The following PALM2AKAP2 variants were observed in gnomAD, a reference collection of about 807,000 sequenced individuals.
The protein encoded by PALM2AKAP2 is PALM2 and AKAP2 fusion, also known as PALM2-AKAP2 fusion protein.
PALM2AKAP2 carries 37 observed loss-of-function variants against 71.5 expected under a neutral mutation model. The observed-to-expected ratio is 0.52, with a 90% CI of 0.40 to 0.68. The LOEUF (loss-of-function observed/expected upper bound fraction) is 0.68. PALM2AKAP2 is among the 30% of genes least tolerant of loss of function. PALM2AKAP2 has a pLI of 0.00. For synonymous variants in PALM2AKAP2, 468 were observed against 478.8 expected, an observed-to-expected ratio of 0.98 and a Z score of 0.29; for missense variants, 1,224 against 1,191.8, an observed-to-expected ratio of 1.03 and a Z score of -0.40.
At position 109,729,718 on chromosome 9, in the gene PALM2AKAP2, A is replaced by G. The variant is rs191552560; in HGVS notation, c.6-50770A>G. Among the ~76,000 whole-genome samples, 8 of 152,298 alleles carry G rather than the reference A, an allele frequency of 5.3e-5. No homozygotes were observed. In the East Asian group the frequency reaches 1.5e-3, roughly 29 times the overall value. ...CAAGGTGCATATTCTCCCAGAATGCAGGATGGTTCCTAGGCTAGGGTTTGG... is the reference window on the plus strand; with the variant it reads ...CAAGGTGCATATTCTCCCAGAATGCGGGATGGTTCCTAGGCTAGGGTTTGG... On this transcript the variant is annotated intron_variant, in intron 1 of 6. Coordinates refer to the PALM2AKAP2 transcript ENST00000374531.
intron 1 of PALM2AKAP2, among the ~76,000 whole-genome samples, chr9:110,111,128 G>A (rs1188736212): frequency 1.7e-4 from 17 of 102,544 alleles, no homozygotes; most frequent in African/African-American, 5.9e-4. Flanking sequence ...GTCTTGCTCT[G>A]TCACCCAGGC....
chr9:109,724,100 C>T (rs2118641094), intron 1 of PALM2AKAP2, among the ~76,000 whole-genome samples: 2 of 152,204 alleles, frequency 1.3e-5, no homozygotes, highest in South Asian at 4.1e-4. Context: ...AACACACAGA[C>T]ATCATCTCTT....
intron 1 of PALM2AKAP2, among the ~76,000 whole-genome samples, chr9:109,796,062 T>G (rs1827244582): frequency 6.6e-6 from 1 of 152,228 alleles, no homozygotes; most frequent in African/African-American, 2.4e-5. Flanking sequence ...CACAACACAT[T>G]TTGCATAGTG....
intron 1 of PALM2AKAP2, among the ~76,000 whole-genome samples, chr9:110,109,946 G>A (rs1835208413): frequency 6.6e-6 from 1 of 152,316 alleles, no homozygotes; most frequent in South Asian, 2.1e-4. Context: ...CTGGAGGGGA[G>A]GGGGATTGGG....
intron 1 of PALM2AKAP2, among the ~76,000 whole-genome samples, chr9:109,834,148 T>C (rs918888391): frequency 7.9e-5 from 12 of 152,138 alleles, no homozygotes; most frequent in Admixed American, 6.5e-4. Flanking sequence ...GGGAGGTGGA[T>C]GTTGCAGTGA....
chr9:109,666,450 G>A (rs1257109580), intron 1 of PALM2AKAP2, among the ~76,000 whole-genome samples: 1 of 152,192 alleles, frequency 6.6e-6, no homozygotes, highest in African/African-American at 2.4e-5. Flanking sequence ...GGTATAGGAA[G>A]GGTATAGGCC....
intron 2 of PALM2AKAP2, among the ~76,000 whole-genome samples, chr9:109,878,995 C>G (rs1829780685): frequency 6.6e-6 from 1 of 152,210 alleles, no homozygotes; most frequent in East Asian, 1.9e-4. Flanking sequence ...CCTTGGCCTC[C>G]CAAAGTGTTG....
intron 1 of PALM2AKAP2, among the ~76,000 whole-genome samples, chr9:109,857,778 T>G (rs1829207117): frequency 6.6e-6 from 1 of 152,194 alleles, no homozygotes; most frequent in African/African-American, 2.4e-5. Flanking sequence ...AATGGAAGAT[T>G]TTAAAGTATC....
intron 1 of PALM2AKAP2, among the ~76,000 whole-genome samples, chr9:109,833,886 C>A (rs1043861915): frequency 1.3e-5 from 2 of 152,288 alleles, no homozygotes; most frequent in African/African-American, 4.8e-5. Context: ...CCTTAAGGGA[C>A]CAGTTCCCTC....
chr9:110,039,074 G>A (rs1833468826), intron 7 of PALM2AKAP2, among the ~76,000 whole-genome samples: 1 of 151,966 alleles, frequency 6.6e-6, no homozygotes, highest in Admixed American at 6.6e-5. Flanking sequence ...CATGGGGAAA[G>A]CTTGTCTCTA....
At chr9:109,991,420 T>G (rs1832479486) in intron 6 of PALM2AKAP2, among the ~76,000 whole-genome samples, 1 of 151,804 alleles carries the variant, frequency 6.6e-6, no homozygotes, top group Non-Finnish European at 1.5e-5. Flanking sequence ...TTTTTTTTTT[T>G]CAGAGATGGG....
intron 6 of PALM2AKAP2, among the ~76,000 whole-genome samples, chr9:109,976,950 C>G (rs189926247): frequency 1.3e-5 from 2 of 152,158 alleles, no homozygotes; most frequent in Non-Finnish European, 1.5e-5. Context: ...AACTTGGTGC[C>G]AGAGCTTCAG....
At chr9:109,790,275 C>G (rs1827079796) in intron 1 of PALM2AKAP2, among the ~76,000 whole-genome samples, 1 of 151,998 alleles carries the variant, frequency 6.6e-6, no homozygotes, top group African/African-American at 2.4e-5. Context: ...GTAAAACCTA[C>G]TCTTACTTTT....
intron 1 of PALM2AKAP2, among the ~76,000 whole-genome samples, chr9:109,681,204 A>C (rs898510922): frequency 6.6e-6 from 1 of 152,184 alleles, no homozygotes; most frequent in Non-Finnish European, 1.5e-5. Flanking sequence ...CCACTGGTCT[A>C]TGAGCTCATT....
At chr9:110,003,413 A>G (rs878917792) in intron 6 of PALM2AKAP2, among the ~76,000 whole-genome samples, 11 of 151,994 alleles carry the variant, frequency 7.2e-5, no homozygotes, top group African/African-American at 1.2e-4. Context: ...TATAATTTCT[A>G]TTCTTTTACA....
intron 1 of PALM2AKAP2, among the ~76,000 whole-genome samples, chr9:109,782,740 TTGTTTGTGTGTGTG>T (rs1354717290): frequency 0.013 from 1,629 of 126,058 alleles, 37 homozygotes; most frequent in African/African-American, 0.052. Context: ...CAGCGTGTGT[TTGTTTGTGTGTGTG>T]TGTGTGTGTG....
At chr9:110,029,482 C>A (rs1213626841) in intron 7 of PALM2AKAP2, among the ~76,000 whole-genome samples, 1 of 152,180 alleles carries the variant, frequency 6.6e-6, no homozygotes, top group African/African-American at 2.4e-5. Flanking sequence ...ACAAATGCTT[C>A]CTGAGGACAT....
chr9:110,091,272 G>A (rs982958313), intron 1 of PALM2AKAP2, among the ~76,000 whole-genome samples: 3 of 151,994 alleles, frequency 2.0e-5, no homozygotes, highest in African/African-American at 7.3e-5. Context: ...ATTGTCTACG[G>A]TCAATAAAGA....
chr9:109,709,569 C>A (rs567997164), intron 1 of PALM2AKAP2, among the ~76,000 whole-genome samples: 1 of 152,270 alleles, frequency 6.6e-6, no homozygotes, highest in Non-Finnish European at 1.5e-5. Flanking sequence ...TAATTTCAGA[C>A]CCTGACCATG....
Sources: gnomAD v4.1 joint callset for allele counts (sites outside exome capture counted in the v4.1 genomes callset) on GRCh38, gnomAD v4.1.1 for gene constraint, MANE v1.5 for transcripts, NCBI Gene and HGNC (gene_info 2026-07-23, HGNC 2026-07-21) for gene names.